The following MIA2 variants were observed in gnomAD, a reference collection of about 807,000 sequenced individuals.
MIA2 encodes the protein MIA SH3 domain ER export factor 2.
Under a neutral mutation model 167.8 loss-of-function variants are expected in MIA2, and 127 were observed. The ratio of observed to expected loss-of-function variants is 0.76; its 90% confidence interval spans 0.66 to 0.88. The LOEUF (loss-of-function observed/expected upper bound fraction) is 0.88. Among genes scored for constraint, MIA2 ranks in the 40% least tolerant of loss-of-function variants. The pLI is 0.00. For synonymous variants in MIA2, 552 were observed against 541.9 expected (o/e 1.02, Z -0.26); for missense variants, 1,690 against 1,624.7 (o/e 1.04, Z -0.69).
At chr14:39,330,062 AC>A (rs1346529124) in intron 25 of MIA2, among the ~76,000 whole-genome samples, 10 of 152,008 alleles carry the variant, frequency 6.6e-5, no homozygotes, top group Non-Finnish European at 1.3e-4. Context: ...TCCTCCTTGT[AC>A]CTCTGGTAGA....
chr14:39,288,211 C>T (rs1008688622), intron 9 of MIA2, among the ~76,000 whole-genome samples: 3 of 151,588 alleles, frequency 2.0e-5, no homozygotes, highest in Non-Finnish European at 2.9e-5. Context: ...CCTATAGTCC[C>T]ACCTACTTGG....
intron 1 of MIA2, among the ~76,000 whole-genome samples, 178 bp downstream of exon 1, chr14:39,234,407 T>C (rs1477989406): frequency 6.6e-6 from 1 of 152,230 alleles, no homozygotes; most frequent in Admixed American, 6.5e-5. Context: ...TGTGGTAGTA[T>C]TTAATACAAA....
Position 39,345,780 on chromosome 14 carries a change from A to G in MIA2, c.3656-124A>G, listed in dbSNP as rs368374353. On this transcript the variant is annotated intron_variant, in intron 25 of 28. Coordinates refer to ENST00000640607, the MANE Select transcript of MIA2 (RefSeq NM_001329214.4). ...CTTCTGAAATTGTCTACTGTTGTCAACCAAGAAGATGATGAGTTTAAGTGT... is the reference window on the plus strand; with the variant it reads ...CTTCTGAAATTGTCTACTGTTGTCAGCCAAGAAGATGATGAGTTTAAGTGT... The G allele has an allele frequency of 2.3e-4, 164 of 719,312 alleles. 1 individual carries two copies. Among genetic ancestry groups the G allele is most frequent in the African/African-American group, 1.9e-3 (108 of 55,766 alleles). The allele number at this position is 719,312 out of a possible 1,614,324, so 44.6% of individuals were successfully genotyped here. A position where few individuals can be genotyped will look rare whatever the true frequency, so the allele number is the denominator to read the frequency against.
chr14:39,315,824 A>T (rs2065308672), intron 21 of MIA2, 106 bp downstream of exon 21: 1 of 754,328 alleles, frequency 1.3e-6, no homozygotes. Flanking sequence ...ATTCTAAAAA[A>T]TCAGTTTCTT....
At chr14:39,309,947 T>A (rs1261548095) in intron 18 of MIA2, among the ~76,000 whole-genome samples, 3 of 18,340 alleles carry the variant, frequency 1.6e-4, no homozygotes, top group Non-Finnish European at 3.9e-4. Flanking sequence ...GGCATGTATT[T>A]TTTTTTTTTT....
rs1411324589 is a variant in MIA2, at chr14:39,247,227, C to T, written c.653C>T (p.Ser218Leu). 1 of 1,614,098 alleles carries T rather than the reference C, an allele frequency of 6.2e-7. No homozygotes were observed. The highest frequency in any genetic ancestry group is 1.3e-5 in the African/African-American group (1 of 75,036). The change falls in exon 4 of 29, where the codon TCA becomes TTA. Residue 218 changes from serine to leucine, a missense_variant. Physicochemically the swap from Ser to Leu is moderately radical, Grantham distance 145. Coordinates refer to ENST00000640607, the MANE Select transcript of MIA2 (RefSeq NM_001329214.4). ...RIPEVHVPPS[S>L]AVSGVKEWFG... ...CCAGAAGTGCATGTCCCACCATCTT[C>T]AGCTGTGTCTGGAGTCAAAGAATGG...
chr14:39,279,398 G>A lies in MIA2; in HGVS notation c.2041+40G>A, dbSNP rs747782667. 11 of 1,605,354 alleles carry A rather than the reference G, an allele frequency of 6.9e-6. No individual in the cohort carries two copies. In the South Asian group the frequency reaches 9.1e-5, roughly 13 times the overall value. The stretch of plus-strand genomic sequence containing the variant: ...CTGCTTTGACTCTCATTGTTGTGTT[G>A]TAAAAACTTATAATAATTTACTCAT... On this transcript the variant is annotated intron_variant, in intron 8 of 28. Transcript: ENST00000640607.
intron 10 of MIA2, among the ~76,000 whole-genome samples, chr14:39,291,446 A>G (rs909981252): frequency 6.6e-6 from 1 of 152,192 alleles, no homozygotes; most frequent in Non-Finnish European, 1.5e-5. Context: ...GAGAAATAAG[A>G]TTCATTTTTA....
chr14:39,380,731 CAT>C lies in MIA2; in HGVS notation c.2249-6152_2249-6151del, dbSNP rs368151610. 4.3e-4 allele frequency among the ~76,000 whole-genome samples: 61 copies of C among 141,884 alleles called. No homozygotes were observed. In the East Asian group the frequency reaches 4.9e-3, roughly 11 times the overall value. The allele number at this position is 141,884 out of a possible 152,430, so 93.1% of individuals were successfully genotyped here. Reference sequence around the variant, plus strand: ...AAAAAAAAATCGATGCCAAGTCAAACATAAAATTATAGAAATCTACCATAGGA... The same window carrying C: ...AAAAAAAAATCGATGCCAAGTCAAACAAAATTATAGAAATCTACCATAGGA... On this transcript the variant is annotated intron_variant, in intron 23 of 23. Transcript: ENST00000341502.
At chr14:39,385,717 T>G (rs1216956868) in intron 23 of MIA2, 2 of 972,362 alleles carry the variant, frequency 2.1e-6, no homozygotes, top group African/African-American at 1.6e-5. Context: ...CAGACTATAG[T>G]CCTTCTTACG....
downstream of MIA2, chr14:39,350,972 C>T (rs1006700242): frequency 1.3e-5 from 2 of 149,490 alleles, no homozygotes; most frequent in Non-Finnish European, 1.5e-5. Context: ...TTTTTTTCCC[C>T]GCCTGTTCTT....
At chr14:39,386,263 C>T in intron 23 of MIA2, 1 of 1,438,284 alleles carries the variant, frequency 7.0e-7, no homozygotes, top group South Asian at 1.1e-5. Context: ...CCTTTGATAA[C>T]TCAGTCGGTA....
intron 23 of MIA2, among the ~76,000 whole-genome samples, chr14:39,361,582 A>G (rs2074684009): frequency 6.6e-6 from 1 of 151,726 alleles, no homozygotes; most frequent in Non-Finnish European, 1.5e-5. Context: ...GGGATTACAG[A>G]TGTGTGCCAC....
At chr14:39,360,410 T>G (rs1294392106) in intron 23 of MIA2, among the ~76,000 whole-genome samples, 1 of 152,230 alleles carries the variant, frequency 6.6e-6, no homozygotes, top group African/African-American at 2.4e-5. Flanking sequence ...GCCATTTGTA[T>G]GTCTTTGAGA....
chr14:39,258,916 C>T (rs2054942934), intron 6 of MIA2, among the ~76,000 whole-genome samples: 2 of 152,218 alleles, frequency 1.3e-5, no homozygotes, highest in African/African-American at 4.8e-5. Context: ...GTGGAGGCTG[C>T]ACAACAGCAA....
chr14:39,298,702 T>TC (rs2061896935), intron 13 of MIA2, among the ~76,000 whole-genome samples: 1 of 151,566 alleles, frequency 6.6e-6, no homozygotes, highest in East Asian at 1.9e-4. Context: ...TGCTCAGTCT[T>TC]CTTTTTTCTT....
intron 3 of MIA2, among the ~76,000 whole-genome samples, chr14:39,245,564 C>A (rs1160768467): frequency 3.3e-5 from 5 of 152,128 alleles, no homozygotes; most frequent in Non-Finnish European, 5.9e-5. Context: ...CCCTCTTAGT[C>A]AATGTTGTGC....
intron 26 of MIA2, among the ~76,000 whole-genome samples, chr14:39,346,597 T>A (rs2073305619): frequency 6.6e-6 from 1 of 151,194 alleles, no homozygotes; most frequent in African/African-American, 2.4e-5. Flanking sequence ...TAAAAATTTT[T>A]TTTAAAGTCA....
intron 18 of MIA2, among the ~76,000 whole-genome samples, chr14:39,311,565 C>A (rs1275363409): frequency 6.7e-6 from 1 of 149,620 alleles, no homozygotes; most frequent in Non-Finnish European, 1.5e-5. Context: ...ACAAGCTCCG[C>A]CTCCCGGGTT....
Sources: gnomAD v4.1 joint callset for allele counts (sites outside exome capture counted in the v4.1 genomes callset) on GRCh38, gnomAD v4.1.1 for gene constraint, MANE v1.5 for transcripts, NCBI Gene and HGNC (gene_info 2026-07-23, HGNC 2026-07-21) for gene names.